The following COMMD10 variants were observed in gnomAD, a reference collection of about 807,000 sequenced individuals.
COMMD10 encodes the protein COMM domain containing 10, also known as COMM domain-containing protein 10.
In COMMD10, 33 loss-of-function variants were observed where a neutral mutation model predicts 28.9. The observed-to-expected ratio is 1.14, with a 90% CI of 0.87 to 1.53. The LOEUF (loss-of-function observed/expected upper bound fraction) is 1.53. Ranked by LOEUF, COMMD10 falls within the 40% of genes most tolerant of loss-of-function variation. The pLI is 0.00. For missense variants in COMMD10, 310 were observed against 233.4 expected (o/e 1.33, Z -2.14); for synonymous variants, 110 against 81.7 (o/e 1.35, Z -1.87).
rs149136928 is a variant in COMMD10 at position 116,220,163 on chromosome 5, A to G, written c.511-71354A>G. Among the ~76,000 whole-genome samples the G allele has an allele frequency of 4.4e-3, 667 of 152,274 alleles. 3 individuals carry two copies. The highest frequency in any genetic ancestry group is 7.1e-3 in the Admixed American group (109 of 15,302). ...ACCATATTAAAGTGTGTTTTTTAAG[A>G]TAATAAGACATAACAGTACATCCAA... On this transcript the variant is annotated intron_variant, in intron 5 of 6. Transcript: ENST00000274458.
intron 5 of COMMD10, among the ~76,000 whole-genome samples, chr5:116,211,557 A>G (rs1032959670): frequency 6.6e-6 from 1 of 152,152 alleles, no homozygotes; most frequent in African/African-American, 2.4e-5. Context: ...ATTGACCAAA[A>G]CATCATTATT....
intron 5 of COMMD10, among the ~76,000 whole-genome samples, chr5:116,233,984 A>AG (rs1264196333): frequency 6.6e-6 from 1 of 152,180 alleles, no homozygotes; most frequent in Non-Finnish European, 1.5e-5. Flanking sequence ...TTAACAGAAG[A>AG]GGTAAAGAGT....
intron 4 of COMMD10, among the ~76,000 whole-genome samples, chr5:116,102,260 ATTCT>A (rs1477773086): frequency 2.0e-5 from 3 of 152,156 alleles, no homozygotes; most frequent in Admixed American, 6.6e-5. Context: ...GTCTAGTCTC[ATTCT>A]TCTGCTTTTG....
chr5:116,204,575 G>A (rs935349702), intron 5 of COMMD10, among the ~76,000 whole-genome samples: 11 of 152,102 alleles, frequency 7.2e-5, no homozygotes, highest in Admixed American at 1.3e-4. Context: ...ACAGGCAGAA[G>A]TATAACTGCA....
chr5:116,215,121 G>C (rs1284390036), intron 5 of COMMD10, among the ~76,000 whole-genome samples: 1 of 151,714 alleles, frequency 6.6e-6, no homozygotes, highest in Non-Finnish European at 1.5e-5. Flanking sequence ...ATATTTTATT[G>C]ATATATAATA....
At chr5:116,168,001 A>G (rs1276139461) in intron 5 of COMMD10, among the ~76,000 whole-genome samples, 2 of 152,122 alleles carry the variant, frequency 1.3e-5, no homozygotes, top group Admixed American at 1.3e-4. Flanking sequence ...CTTAAATGTA[A>G]ATGGACTAAA....
intron 5 of COMMD10, among the ~76,000 whole-genome samples, chr5:116,145,171 A>G (rs1752306253): frequency 6.6e-6 from 1 of 151,866 alleles, no homozygotes; most frequent in Non-Finnish European, 1.5e-5. Flanking sequence ...TTGAGAACAG[A>G]GGACAAAGTG....
At chr5:116,251,266 TTTTATTTATTTA>T (rs139799729) in intron 5 of COMMD10, among the ~76,000 whole-genome samples, 59 of 138,172 alleles carry the variant, frequency 4.3e-4, no homozygotes, top group Admixed American at 9.1e-4. Context: ...ACTCTTTTCT[TTTTATTTATTTA>T]TTTATTTATT....
At chr5:116,194,446 G>C (rs1472305084) in intron 5 of COMMD10, among the ~76,000 whole-genome samples, 1 of 152,102 alleles carries the variant, frequency 6.6e-6, no homozygotes, top group Non-Finnish European at 1.5e-5. Flanking sequence ...AAAGAAGGGA[G>C]AAAATCCAAA....
At chr5:116,155,453 AGGCTGTTAGG>A (rs1306649666) in intron 5 of COMMD10, among the ~76,000 whole-genome samples, 1 of 152,104 alleles carries the variant, frequency 6.6e-6, no homozygotes, top group African/African-American at 2.4e-5. Context: ...TTAGCATCAG[AGGCTGTTAGG>A]GGAGATAAAA....
In COMMD10 at chr5:116,218,163, G is replaced by A. The variant is rs552795618; in HGVS notation, c.511-73354G>A. ...GGTACCTTCTCTCCCTTCTTTGCAG[G>A]GGCCTTTTTAGGCCTGGGCTCTGGC... On this transcript the variant is annotated intron_variant, in intron 5 of 6. Transcript: ENST00000274458. The A allele has an allele frequency of 5.6e-5, 53 of 952,812 alleles. No individual in the cohort carries two copies. The Admixed American group carries it at 9.0e-4, about 16-fold the overall frequency. 59.0% of individuals were successfully genotyped at this position (952,812 alleles called of 1,614,324 possible).
chr5:116,284,692 G>T (rs1751171796), intron 5 of COMMD10, among the ~76,000 whole-genome samples: 1 of 151,870 alleles, frequency 6.6e-6, no homozygotes, highest in African/African-American at 2.4e-5. Context: ...GAAGTCTGTT[G>T]TTAGAGTTGC....
intron 5 of COMMD10, among the ~76,000 whole-genome samples, chr5:116,256,500 T>C (rs563725448): frequency 6.6e-6 from 1 of 151,850 alleles, no homozygotes; most frequent in East Asian, 1.9e-4. Flanking sequence ...TCTTGATTAA[T>C]GGTTCTTGGA....
At chr5:116,153,319 T>C (rs1752598722) in intron 5 of COMMD10, among the ~76,000 whole-genome samples, 1 of 151,952 alleles carries the variant, frequency 6.6e-6, no homozygotes, top group Admixed American at 6.6e-5. Flanking sequence ...ATTTGGAGGC[T>C]GAGGGGGCAT....
chr5:116,292,199 T>G (rs2112719404), intron 6 of COMMD10, among the ~76,000 whole-genome samples: 1 of 152,116 alleles, frequency 6.6e-6, no homozygotes, highest in Non-Finnish European at 1.5e-5. Context: ...CTGAAGACAC[T>G]TAAAACAACA....
At chr5:116,291,184 CAG>C (rs1751350259) in intron 5 of COMMD10, among the ~76,000 whole-genome samples, 1 of 152,234 alleles carries the variant, frequency 6.6e-6, no homozygotes, top group East Asian at 1.9e-4. Context: ...AGATTTCAAA[CAG>C]ACTGCTGAGA....
chr5:116,138,757 T>A (rs1752109251), intron 5 of COMMD10, among the ~76,000 whole-genome samples: 1 of 151,854 alleles, frequency 6.6e-6, no homozygotes, highest in East Asian at 1.9e-4. Context: ...TTGAATGAAT[T>A]TGGGGCTTCT....
At chr5:116,275,380 G>T (rs1181029939) in intron 5 of COMMD10, among the ~76,000 whole-genome samples, 1 of 151,676 alleles carries the variant, frequency 6.6e-6, no homozygotes, top group Non-Finnish European at 1.5e-5. Context: ...TATCTTTCAG[G>T]TATCAGATTA....
At chr5:116,212,322 C>A (rs1353476918) in intron 5 of COMMD10, among the ~76,000 whole-genome samples, 1 of 152,114 alleles carries the variant, frequency 6.6e-6, no homozygotes, top group East Asian at 1.9e-4. Flanking sequence ...AATCCTCTCT[C>A]CAGGCATCCT....
Sources: allele counts gnomAD v4.1 joint callset (sites outside exome capture counted in the v4.1 genomes callset), GRCh38; gene constraint gnomAD v4.1.1; transcripts MANE v1.5; gene names NCBI Gene and HGNC (gene_info 2026-07-23, HGNC 2026-07-21).